GABRG3: variants seen among roughly 807,000 people sequenced by gnomAD.
GABRG3 encodes the protein gamma-aminobutyric acid type A receptor subunit gamma3, also known as gamma-aminobutyric acid receptor subunit gamma-3.
In GABRG3, 25 loss-of-function variants were observed where a neutral mutation model predicts 48.8. That is an observed-to-expected ratio of 0.51 (90% CI 0.37 to 0.72). The LOEUF (loss-of-function observed/expected upper bound fraction) is 0.72. Among genes scored for constraint, GABRG3 ranks in the 30% least tolerant of loss-of-function variants. The probability of loss-of-function intolerance (pLI) is 0.00; values close to 1 mark genes in which losing one functional copy is unlikely to be tolerated. For synonymous variants in GABRG3, 227 were observed against 217.6 expected (o/e 1.04, Z -0.38); for missense variants, 394 against 577.9 (o/e 0.68, Z 3.26).
chr15:27,371,234 G>A (rs1181807749), intron 5 of GABRG3, among the ~76,000 whole-genome samples: 1 of 152,044 alleles, frequency 6.6e-6, no homozygotes, highest in African/African-American at 2.4e-5. Flanking sequence ...ACCATCGATA[G>A]AATATGCCAC....
intron 3 of GABRG3, among the ~76,000 whole-genome samples, chr15:27,184,103 C>T (rs1888017715): frequency 6.6e-6 from 1 of 152,186 alleles, no homozygotes. Flanking sequence ...TATATAACAT[C>T]TTCACAATGA....
intron 5 of GABRG3, among the ~76,000 whole-genome samples, chr15:27,360,828 T>G (rs534246341): frequency 6.6e-6 from 1 of 152,216 alleles, no homozygotes; most frequent in African/African-American, 2.4e-5. Flanking sequence ...CCAAGAACTT[T>G]TGGCTCCCTG....
At chr15:27,083,393 T>C (rs1310927223) in intron 3 of GABRG3, among the ~76,000 whole-genome samples, 1 of 149,060 alleles carries the variant, frequency 6.7e-6, no homozygotes, top group Non-Finnish European at 1.5e-5. Context: ...CGTGTAGTGG[T>C]GCAATCTCTG....
chr15:27,076,342 G>A, intron 3 of GABRG3, among the ~76,000 whole-genome samples: 1 of 35,776 alleles, frequency 2.8e-5, no homozygotes, highest in Admixed American at 3.1e-4. Flanking sequence ...TTTTTTTTTT[G>A]AGATGGAGTC....
intron 3 of GABRG3, among the ~76,000 whole-genome samples, chr15:27,313,605 A>C (rs1406831348): frequency 6.6e-6 from 1 of 151,860 alleles, no homozygotes; most frequent in Non-Finnish European, 1.5e-5. Context: ...AGTCTCAACA[A>C]ATTAAGAAGA....
At chr15:27,227,750 T>TA (rs1889671000) in intron 3 of GABRG3, among the ~76,000 whole-genome samples, 1 of 152,088 alleles carries the variant, frequency 6.6e-6, no homozygotes, top group Non-Finnish European at 1.5e-5. Context: ...TACTAGATTT[T>TA]ACCCATGGAA....
chr15:27,349,935 C>CTTTT (rs371119700), intron 5 of GABRG3, among the ~76,000 whole-genome samples: 18 of 144,446 alleles, frequency 1.2e-4, no homozygotes, highest in Non-Finnish European at 1.4e-4. Flanking sequence ...GCCCTAAGGT[C>CTTTT]TTTTTTTTTT....
chr15:27,064,304 C>T (rs567626992), intron 3 of GABRG3, among the ~76,000 whole-genome samples: 70 of 152,296 alleles, frequency 4.6e-4, no homozygotes, highest in East Asian at 5.8e-4. Context: ...CAGCCTGAAT[C>T]GGGTCTTGAC....
intron 3 of GABRG3, among the ~76,000 whole-genome samples, chr15:27,309,298 A>T (rs1892915170): frequency 1.4e-5 from 2 of 147,768 alleles, no homozygotes; most frequent in Non-Finnish European, 3.0e-5. Flanking sequence ...TGTGTTTTAT[A>T]TATGTGTGTG....
At chr15:26,979,254 C>G (rs1199478525) in intron 2 of GABRG3, among the ~76,000 whole-genome samples, 1 of 152,110 alleles carries the variant, frequency 6.6e-6, no homozygotes, top group African/African-American at 2.4e-5. Flanking sequence ...GGTTCCTTGG[C>G]ATTTTCTATG....
intron 6 of GABRG3, chr15:27,481,121 G>A (rs1299378951): frequency 9.2e-7 from 1 of 1,087,994 alleles, no homozygotes; most frequent in African/African-American, 1.6e-5. Context: ...TACATAAGAA[G>A]AATCAAATAT....
At chr15:27,069,089 G>T (rs541226944) in intron 3 of GABRG3, among the ~76,000 whole-genome samples, 1 of 152,288 alleles carries the variant, frequency 6.6e-6, no homozygotes, top group African/African-American at 2.4e-5. Context: ...AAATCATTTT[G>T]CCCTCGTTCT....
chr15:27,407,534 A>G (rs1015189254), intron 5 of GABRG3, among the ~76,000 whole-genome samples: 2 of 152,210 alleles, frequency 1.3e-5, no homozygotes, highest in Non-Finnish European at 2.9e-5. Flanking sequence ...CTTTATTCAT[A>G]ATTACCAACA....
chr15:27,246,260 A>T (rs1278787704), intron 3 of GABRG3, among the ~76,000 whole-genome samples: 2 of 152,150 alleles, frequency 1.3e-5, no homozygotes, highest in Non-Finnish European at 2.9e-5. Context: ...AATAAAATAA[A>T]TATATAAATG....
intron 2 of GABRG3, among the ~76,000 whole-genome samples, chr15:27,016,089 AT>A (rs1240904571): frequency 6.6e-6 from 1 of 152,016 alleles, no homozygotes; most frequent in African/African-American, 2.4e-5. Flanking sequence ...TTTAAAAGTA[AT>A]TTTTATATAT....
intron 3 of GABRG3, chr15:27,294,887 A>C (rs2140488819): frequency 6.6e-6 from 1 of 152,314 alleles, no homozygotes; most frequent in South Asian, 2.1e-4. Context: ...TAAGAAGAAA[A>C]GGTGCAACAG....
chr15:27,222,033 C>A (rs1014873047), intron 3 of GABRG3, among the ~76,000 whole-genome samples: 17 of 152,194 alleles, frequency 1.1e-4, no homozygotes, highest in Non-Finnish European at 1.8e-4. Context: ...TTCTGCCTTT[C>A]AAAAGGCAAA....
At position 27,179,029 on chromosome 15, in the gene GABRG3, G is replaced by T. The variant is rs1016555251; in HGVS notation, c.271-147780G>T. Among the ~76,000 whole-genome samples, 1 of 152,188 alleles carries T rather than the reference G, an allele frequency of 6.6e-6. No individual in the cohort carries two copies. Among genetic ancestry groups the T allele is most frequent in the African/African-American group, 2.4e-5 (1 of 41,448 alleles). ...CTATGGCAGCCTCAGAGGAGAATGG[G>T]ACTGAGAGGAGAGCAGGAGAAGGTC... is the stretch of plus-strand genomic sequence containing the variant. On this transcript the variant is annotated intron_variant, in intron 3 of 9. Transcript: ENST00000615808. This position sits in a 1 kb window ranked among gnomAD's most constrained non-coding sequence, Gnocchi z 4.0.
intron 5 of GABRG3, among the ~76,000 whole-genome samples, chr15:27,368,769 C>T (rs1332884151): frequency 6.6e-6 from 1 of 152,130 alleles, no homozygotes; most frequent in Non-Finnish European, 1.5e-5. Context: ...TGGGAAGAAA[C>T]AAATCTATCT....
Sources: gnomAD v4.1 joint callset for allele counts (sites outside exome capture counted in the v4.1 genomes callset) on GRCh38, gnomAD v4.1.1 for gene constraint, Gnocchi (gnomAD v3.1) non-coding constraint, MANE v1.5 for transcripts, NCBI Gene and HGNC (gene_info 2026-07-23, HGNC 2026-07-21) for gene names.